HPR: variants seen among roughly 807,000 people sequenced by gnomAD.
HPR encodes the protein haptoglobin-related protein, also known as Haptoglobin-related locus.
HPR carries 17 observed loss-of-function variants against 18.5 expected under a neutral mutation model. That is an observed-to-expected ratio of 0.92 (90% confidence interval 0.63 to 1.38). The LOEUF (loss-of-function observed/expected upper bound fraction) is 1.38, where lower values mean the gene tolerates loss of function less well. Ranked by LOEUF, HPR falls within the 40% of genes most tolerant of loss-of-function variation. HPR has a pLI of 0.00. For missense variants in HPR, 457 were observed against 432.4 expected (o/e 1.06, Z -0.51); for synonymous variants, 176 against 165.0 (o/e 1.07, Z -0.51).
intron 1 of HPR, among the ~76,000 whole-genome samples, chr16:72,072,248 T>C (rs1019491737): frequency 1.3e-5 from 2 of 152,184 alleles, no homozygotes; most frequent in South Asian, 2.1e-4. Flanking sequence ...CCTCAGGTTA[T>C]CTGCCTGCCT....
chr16:72,070,392 C>A (rs2041641816), intron 1 of HPR, among the ~76,000 whole-genome samples: 1 of 152,190 alleles, frequency 6.6e-6, no homozygotes, highest in South Asian at 2.1e-4. Flanking sequence ...TTAGCGTCAG[C>A]CTGGAGACCA....
intron 1 of HPR, among the ~76,000 whole-genome samples, chr16:72,071,678 C>T (rs1300334462): frequency 2.6e-5 from 4 of 152,202 alleles, no homozygotes; most frequent in Non-Finnish European, 5.9e-5. Context: ...TAGTCATCCT[C>T]GAGCGGATGT....
At chr16:72,072,982 C>T (rs576105950) in intron 1 of HPR, among the ~76,000 whole-genome samples, 16 of 152,256 alleles carry the variant, frequency 1.1e-4, no homozygotes, top group African/African-American at 3.6e-4. Context: ...CGCTGGTAAA[C>T]AACCTTCCCG....
At chr16:72,071,081 A>G (rs895013658) in intron 1 of HPR, among the ~76,000 whole-genome samples, 1 of 152,146 alleles carries the variant, frequency 6.6e-6, no homozygotes, top group Non-Finnish European at 1.5e-5. Context: ...AATCCCATAA[A>G]AATCTTCAAC....
At position 72,076,864 on chromosome 16, in the gene HPR, A is replaced by G. The variant is rs1257385860; in HGVS notation, c.830A>G (p.Asn277Ser). The stretch of plus-strand genomic sequence containing the variant: ...CCTGTAGGGGTGCAGCCCATACTGA[A>G]CGAACACACCTTCTGTGTCGGCATG... ...KSPVGVQPIL[N>S]EHTFCVGMSK... Residue 277 changes from asparagine to serine, a missense_variant, in exon 5 of 5, where the codon AAC (asparagine) becomes AGC (serine). By Grantham distance (46) the Asn-to-Ser change is conservative. Coordinates refer to ENST00000540303, the MANE Select transcript of HPR (RefSeq NM_020995.4). The G allele has an allele frequency of 1.2e-6, 2 of 1,614,110 alleles. No homozygotes were observed. Among genetic ancestry groups the G allele is most frequent in the African/African-American group, 1.3e-5 (1 of 74,938 alleles).
rs152831 is a variant in HPR, at chr16:72,074,306, T to C, written c.114T>C (p.Pro38=). The C allele has an allele frequency of 6.9e-6, 11 of 1,603,614 alleles. No individual in the cohort carries two copies. The highest frequency in any genetic ancestry group is 1.7e-5 in the Admixed American group (1 of 59,966). Residue 38 remains proline (P), a synonymous_variant, in exon 3 of 5, where the codon CCT becomes CCC. Transcript: ENST00000540303. The part of the protein sequence containing the change: ...DISDDRFPKP[P]EIANGYVEHL... ...CAGATGACCGCTTCCCGAAGCCCCC[T>C]GAGATTGCAAATGGCTATGTGGAGC... is the stretch of plus-strand genomic sequence containing the variant.
intron 1 of HPR, among the ~76,000 whole-genome samples, chr16:72,067,804 C>T (rs1209167764): frequency 3.3e-5 from 5 of 152,128 alleles, no homozygotes; most frequent in Non-Finnish European, 7.4e-5. Flanking sequence ...TGGGTCATAC[C>T]GGCTGGTGAA....
At chr16:72,063,472 C>T (rs2041563863) in intron 1 of HPR, among the ~76,000 whole-genome samples, 1 of 152,096 alleles carries the variant, frequency 6.6e-6, no homozygotes, top group Admixed American at 6.5e-5. Context: ...GATTTACTCT[C>T]AGGAGTGTCT....
intron 4 of HPR, among the ~76,000 whole-genome samples, chr16:72,075,651 G>T (rs967485686): frequency 6.6e-6 from 1 of 152,304 alleles, no homozygotes; most frequent in Non-Finnish European, 1.5e-5. Flanking sequence ...TCTCCTTTCC[G>T]TCTCAGAACC....
At position 72,067,707 on chromosome 16, in the gene HPR, T is replaced by G. The variant is rs530716491; in HGVS notation, c.5+4447T>G. Among the ~76,000 whole-genome samples the G allele has an allele frequency of 2.0e-5, 3 of 152,238 alleles. No homozygotes were observed. In the South Asian group the frequency reaches 6.2e-4, roughly 32 times the overall value. On this transcript the variant is annotated intron_variant, in intron 1 of 4. Transcript: ENST00000540303. ...TAGAGGGCATGCTAGGGCTAAAACC[T>G]ATAATTGAAAGTCTCATTAATGATG...
At chr16:72,075,030 C>G in intron 3 of HPR, 115 bp from the exon 4 acceptor site, 1 of 1,213,500 alleles carries the variant, frequency 8.2e-7, no homozygotes, top group South Asian at 1.3e-5. Flanking sequence ...TTCTCCCTTC[C>G]TGTCTGCCTC....
At chr16:72,070,605 G>T (rs2144068021) in intron 1 of HPR, among the ~76,000 whole-genome samples, 1 of 152,292 alleles carries the variant, frequency 6.6e-6, no homozygotes, top group Non-Finnish European at 1.5e-5. Context: ...TCTAAAAAGG[G>T]CTTAATAATC....
In HPR at chr16:72,077,034, G is replaced by C; in HGVS notation, c.1000G>C (p.Val334Leu). Residue 334 changes from valine to leucine, a missense_variant, in exon 5 of 5, where the codon GTG (valine) becomes CTG (leucine). Coordinates refer to ENST00000540303, the MANE Select transcript of HPR (RefSeq NM_020995.4). ...AVAEYGVYVK[V>L]TSIQHWVQKT... is the part of the protein sequence containing the mutation. ...GGCTGAGTATGGTGTGTATGTGAAGGTGACTTCCATCCAGCACTGGGTTCA... is the reference window on the plus strand; with the variant it reads ...GGCTGAGTATGGTGTGTATGTGAAGCTGACTTCCATCCAGCACTGGGTTCA... 6.2e-7 allele frequency: 1 copy of C among 1,614,016 alleles called. No homozygotes were observed. The highest frequency in any genetic ancestry group is 8.5e-7 in the Non-Finnish European group (1 of 1,180,020).
chr16:72,074,300 G>A lies in HPR; in HGVS notation c.108G>A (p.Lys36=). The change falls in exon 3 of 5, where the codon AAG becomes AAA. Residue 36 remains lysine, a synonymous_variant. Coordinates refer to ENST00000540303, the MANE Select transcript of HPR (RefSeq NM_020995.4). ...VTDISDDRFP[K]PPEIANGYVE... is the part of the protein sequence containing the mutation. ...TCTTTGCAGATGACCGCTTCCCGAA[G>A]CCCCCTGAGATTGCAAATGGCTATG... 2 of 1,613,994 alleles carry A rather than the reference G, an allele frequency of 1.2e-6. No individual in the cohort carries two copies. The highest frequency in any genetic ancestry group is 1.7e-6 in the Non-Finnish European group (2 of 1,179,936).
At chr16:72,074,590 T>C (rs1212058289) in intron 3 of HPR, 6 of 720,570 alleles carry the variant, frequency 8.3e-6, no homozygotes, top group Non-Finnish European at 1.3e-5. Flanking sequence ...TCTGTTTTGT[T>C]AAGGGGAGGT....
chr16:72,068,858 A>G (rs1394306594), intron 1 of HPR, among the ~76,000 whole-genome samples: 1 of 152,196 alleles, frequency 6.6e-6, no homozygotes, highest in Non-Finnish European at 1.5e-5. Context: ...GAATCTTAAA[A>G]TATGGGGCTA....
At chr16:72,070,880 C>A (rs1409060176) in intron 1 of HPR, among the ~76,000 whole-genome samples, 4 of 152,126 alleles carry the variant, frequency 2.6e-5, no homozygotes, top group Admixed American at 1.3e-4. Flanking sequence ...GGGTGGACAG[C>A]CAGGCCCCCT....
At chr16:72,068,447 C>T (rs2041620372) in intron 1 of HPR, among the ~76,000 whole-genome samples, 1 of 152,102 alleles carries the variant, frequency 6.6e-6, no homozygotes, top group East Asian at 1.9e-4. Context: ...AACTTTTATA[C>T]CAAAAACTTG....
intron 1 of HPR, among the ~76,000 whole-genome samples, chr16:72,066,247 T>C (rs1384855103): frequency 2.6e-5 from 4 of 152,192 alleles, no homozygotes; most frequent in Non-Finnish European, 2.9e-5. Context: ...AAGCCACTGC[T>C]AGATGACCCC....
Sources: gnomAD v4.1 joint callset for allele counts (sites outside exome capture counted in the v4.1 genomes callset) on GRCh38, gnomAD v4.1.1 for gene constraint, MANE v1.5 for transcripts, NCBI Gene and HGNC (gene_info 2026-07-23, HGNC 2026-07-21) for gene names.